BRSK2: variants seen among roughly 807,000 people sequenced by gnomAD.
BRSK2 encodes BR serine/threonine kinase 2.
In BRSK2, 19 loss-of-function variants were observed where a neutral mutation model predicts 83.3. The observed-to-expected ratio is 0.23, with a 90% CI of 0.16 to 0.33. The LOEUF (loss-of-function observed/expected upper bound fraction) is 0.33. BRSK2 is among the 10% of genes least tolerant of loss of function. BRSK2 has a pLI of 1.00. For missense variants in BRSK2, 798 were observed against 1,042.3 expected, an observed-to-expected ratio of 0.77 and a Z score of 3.23; for synonymous variants, 519 against 435.4, an observed-to-expected ratio of 1.19 and a Z score of -2.39.
At position 1,443,017 on chromosome 11, in the gene BRSK2, CCTT is replaced by C. The variant is rs1851565550; in HGVS notation, c.531-88_531-86del. ...TCTGGCACCACAGCCCTGGAGGCCT[CCTT>C]GAGGGCCCTGCGGTGCACCATCACC... is the stretch of plus-strand genomic sequence containing the variant. On this transcript the variant is annotated intron_variant, in intron 5 of 19. Transcript: ENST00000528841. 17 of 1,424,282 alleles carry C rather than the reference CCTT, an allele frequency of 1.2e-5. No individual in the cohort carries two copies. In the South Asian group the frequency reaches 1.6e-4, roughly 14 times the overall value. The allele number at this position is 1,424,282 out of a possible 1,614,324, so 88.2% of individuals were successfully genotyped here.
chr11:1,404,646 C>CT (rs1388298686), intron 1 of BRSK2, among the ~76,000 whole-genome samples: 1 of 152,188 alleles, frequency 6.6e-6, no homozygotes, highest in East Asian at 1.9e-4. Context: ...GCCCCTGCCT[C>CT]TAAGACCACA....
At position 1,449,815 on chromosome 11, in the gene BRSK2, C is replaced by T; in HGVS notation, c.1266C>T (p.Thr422=). The part of the protein sequence containing the change: ...SISGASSGLS[T]SPLSSPRVTP... ...GCGGTGCCTCCTCAGGCCTTTCCAC[C>T]AGCCCACTCAGCAGCCCCCGGGTGA... The change falls in exon 13 of 20, where the codon ACC becomes ACT. Residue 422 remains threonine, a synonymous_variant. Transcript: ENST00000528841. 1 of 1,612,212 alleles carries T rather than the reference C, an allele frequency of 6.2e-7. No homozygotes were observed. Among genetic ancestry groups the T allele is most frequent in the Non-Finnish European group, 8.5e-7 (1 of 1,179,520 alleles).
intron 15 of BRSK2, chr11:1,453,869 A>C (rs1403604317): frequency 2.6e-5 from 4 of 152,280 alleles, no homozygotes; most frequent in African/African-American, 9.7e-5. Context: ...GCTCTGCCTG[A>C]GTCTCGGGCT....
At chr11:1,444,884 C>G in intron 8 of BRSK2, 87 bp from the exon 9 acceptor site, 1 of 1,299,432 alleles carries the variant, frequency 7.7e-7, no homozygotes, top group Non-Finnish European at 1.1e-6. Flanking sequence ...TCCGTGCTCC[C>G]AGCGCCCCTG....
In BRSK2 at chr11:1,460,822, C is replaced by G. The variant is rs1053713189; in HGVS notation, c.*99C>G. Reference sequence around the variant, plus strand: ...TGGACCCGCGGCCGCGCCGCCCGTCCGTCCAGACTGTTCTCAGAGCCTGGG... The same window carrying G: ...TGGACCCGCGGCCGCGCCGCCCGTCGGTCCAGACTGTTCTCAGAGCCTGGG... On this transcript the variant is annotated 3_prime_UTR_variant, in exon 20 of 20. Transcript: ENST00000528841. 2.0e-6 allele frequency: 3 copies of G among 1,497,384 alleles called. No homozygotes were observed. The highest frequency in any genetic ancestry group is 2.5e-5 in the Admixed American group (1 of 40,640). The allele number at this position is 1,497,384 out of a possible 1,614,324, so 92.8% of individuals were successfully genotyped here. A position where few individuals can be genotyped will look rare whatever the true frequency, so the allele number is the denominator to read the frequency against.
At chr11:1,424,086 C>T (rs1848929150) in intron 1 of BRSK2, among the ~76,000 whole-genome samples, 1 of 152,226 alleles carries the variant, frequency 6.6e-6, no homozygotes, top group Non-Finnish European at 1.5e-5. Context: ...TTCATGCGCC[C>T]CAGGCACTGG....
intron 1 of BRSK2, among the ~76,000 whole-genome samples, chr11:1,403,331 G>A (rs540602168): frequency 5.9e-5 from 9 of 152,322 alleles, no homozygotes; most frequent in South Asian, 2.1e-4. Flanking sequence ...ACCCCTCACC[G>A]CAGGCCACAG....
chr11:1,459,327 G>A, intron 19 of BRSK2, 88 bp downstream of exon 19: 1 of 1,489,542 alleles, frequency 6.7e-7, no homozygotes, highest in African/African-American at 1.4e-5. Flanking sequence ...TGCCGCCCGG[G>A]TTGTCCCGGC....
intron 1 of BRSK2, among the ~76,000 whole-genome samples, chr11:1,414,203 C>T (rs1465379653): frequency 2.0e-5 from 3 of 152,194 alleles, no homozygotes; most frequent in East Asian, 1.9e-4. Flanking sequence ...GCCATTGTCC[C>T]GTTGTTTAAA....
chr11:1,402,005 C>T (rs929668061), intron 1 of BRSK2, among the ~76,000 whole-genome samples: 1 of 152,220 alleles, frequency 6.6e-6, no homozygotes, highest in Non-Finnish European at 1.5e-5. Flanking sequence ...TGGCCAGTCC[C>T]CCAGCCCTGG....
At chr11:1,459,820 C>A (rs1291687752) in intron 19 of BRSK2, among the ~76,000 whole-genome samples, 2 of 152,220 alleles carry the variant, frequency 1.3e-5, no homozygotes, top group African/African-American at 4.8e-5. Flanking sequence ...GCCTGCCTCC[C>A]ACATCCACCC....
At chr11:1,396,554 G>C (rs1355452925) in intron 1 of BRSK2, among the ~76,000 whole-genome samples, 2 of 152,260 alleles carry the variant, frequency 1.3e-5, no homozygotes, top group Non-Finnish European at 2.9e-5. Context: ...GGAACAGCCT[G>C]AGTGGGCTGT....
rs996547328 is a variant in BRSK2, at chr11:1,454,976, C to T, written c.1668+368C>T. On this transcript the variant is annotated intron_variant, in intron 16 of 19. Coordinates refer to ENST00000528841, the MANE Select transcript of BRSK2 (RefSeq NM_001256627.2). The surrounding 1 kb of genome is among the most constrained non-coding windows in gnomAD (Gnocchi z 5.2). ...TTTCCATCAGACTCGGGGAGAAGCC[C>T]TTGTGAGGCCATGGCCCTAGGGACC... Among the ~76,000 whole-genome samples, 1 of 152,114 alleles carries T rather than the reference C, an allele frequency of 6.6e-6. No homozygotes were observed. The highest frequency in any genetic ancestry group is 1.5e-5 in the Non-Finnish European group (1 of 67,996).
chr11:1,460,207 G>A (rs953917104), intron 19 of BRSK2, among the ~76,000 whole-genome samples: 25 of 152,118 alleles, frequency 1.6e-4, no homozygotes, highest in Non-Finnish European at 3.4e-4. Context: ...GCAACAGCTC[G>A]GAGGCGCTGG....
chr11:1,407,388 G>A (rs1265249245), intron 1 of BRSK2, among the ~76,000 whole-genome samples: 2 of 152,190 alleles, frequency 1.3e-5, no homozygotes, highest in Non-Finnish European at 2.9e-5. Flanking sequence ...GCCCCACAGA[G>A]TCCACTTGGG....
chr11:1,445,143 G>A (rs1039384985), intron 9 of BRSK2, 141 bp downstream of exon 9: 123 of 1,470,890 alleles, frequency 8.4e-5, no homozygotes, highest in Non-Finnish European at 1.0e-4. Context: ...CGCTGGGTGC[G>A]GGGTGCGGGC....
At chr11:1,402,222 G>A (rs904183227) in intron 1 of BRSK2, among the ~76,000 whole-genome samples, 2 of 152,216 alleles carry the variant, frequency 1.3e-5, no homozygotes, top group Admixed American at 1.3e-4. Flanking sequence ...GGGGCTCCCC[G>A]GGGCGGGGCA....
chr11:1,442,930 C>T (rs918818970), intron 5 of BRSK2, among the ~76,000 whole-genome samples, 176 bp from the exon 6 acceptor site: 7 of 152,132 alleles, frequency 4.6e-5, no homozygotes, highest in African/African-American at 1.7e-4. Flanking sequence ...CAGCAGAGAC[C>T]CAGTGCCCCA....
At chr11:1,425,622 C>T (rs554413783) in intron 1 of BRSK2, among the ~76,000 whole-genome samples, 1 of 152,326 alleles carries the variant, frequency 6.6e-6, no homozygotes, top group African/African-American at 2.4e-5. Flanking sequence ...TCTTCACCTA[C>T]AGGGGACGCA....
Sources: allele counts gnomAD v4.1 joint callset (sites outside exome capture counted in the v4.1 genomes callset), GRCh38; gene constraint gnomAD v4.1.1; non-coding constraint Gnocchi (gnomAD v3.1); transcripts MANE v1.5; gene names NCBI Gene and HGNC (gene_info 2026-07-23, HGNC 2026-07-21).